RBFOX2: variants seen among roughly 807,000 people sequenced by gnomAD.
The protein encoded by RBFOX2 is RNA binding fox-1 homolog 2.
Under a neutral mutation model 49.1 loss-of-function variants are expected in RBFOX2, and 10 were observed. The observed-to-expected ratio is 0.20, with a 90% CI of 0.13 to 0.35. The LOEUF (loss-of-function observed/expected upper bound fraction) is 0.35. RBFOX2 is among the 10% of genes least tolerant of loss of function. RBFOX2 has a pLI of 1.00. For missense variants in RBFOX2, 323 were observed against 486.9 expected, an observed-to-expected ratio of 0.66 and a Z score of 3.17; for synonymous variants, 183 against 187.4, an observed-to-expected ratio of 0.98 and a Z score of 0.19.
At position 35,765,194 on chromosome 22, in the gene RBFOX2, T is replaced by C. The variant is rs140924407; in HGVS notation, c.607+229A>G. Reference sequence around the variant, plus strand: ...GCAACTAGATAGCATGTTTGCACTGTGTAAAAGATGAACATTACTTAGAAC... The same window carrying C: ...GCAACTAGATAGCATGTTTGCACTGCGTAAAAGATGAACATTACTTAGAAC... On this transcript the variant is annotated intron_variant, in intron 6 of 11. Transcript: ENST00000405409. Among the ~76,000 whole-genome samples, 362 of 150,544 alleles carry C rather than the reference T, an allele frequency of 2.4e-3. 6 individuals are homozygous for C. The highest frequency in any genetic ancestry group is 0.012 in the Admixed American group (186 of 14,996).
chr22:35,966,387 T>C (rs1042923800), upstream of RBFOX2, among the ~76,000 whole-genome samples: 5 of 152,184 alleles, frequency 3.3e-5, no homozygotes, highest in Admixed American at 1.3e-4. Flanking sequence ...TACACTTACG[T>C]TGAGCTTTGG....
At chr22:35,984,234 C>T (rs531106540) in intron 1 of RBFOX2, among the ~76,000 whole-genome samples, 2 of 152,220 alleles carry the variant, frequency 1.3e-5, no homozygotes, top group African/African-American at 4.8e-5. Context: ...CCCCAGAGTT[C>T]CTGATTTAAT....
At chr22:35,900,674 G>C (rs1198770127) in intron 1 of RBFOX2, among the ~76,000 whole-genome samples, 1 of 151,654 alleles carries the variant, frequency 6.6e-6, no homozygotes, top group Non-Finnish European at 1.5e-5. Flanking sequence ...GATTCCCACA[G>C]GGCAATCTCT....
chr22:35,893,453 A>T (rs999875879), intron 1 of RBFOX2, among the ~76,000 whole-genome samples: 1 of 152,088 alleles, frequency 6.6e-6, no homozygotes, highest in Non-Finnish European at 1.5e-5. Flanking sequence ...TCCTTTCATA[A>T]CTCCTCTTCC....
At chr22:35,826,502 A>C (rs962252696) in intron 1 of RBFOX2, among the ~76,000 whole-genome samples, 7 of 152,184 alleles carry the variant, frequency 4.6e-5, no homozygotes, top group African/African-American at 1.7e-4. Context: ...AGTCACATCA[A>C]TACAAATATG....
At chr22:35,897,919 C>A in intron 1 of RBFOX2, 1 of 730,680 alleles carries the variant, frequency 1.4e-6, no homozygotes, top group South Asian at 1.4e-5. Flanking sequence ...AATGAATTTT[C>A]CAACTTCAGC....
exon 12 of RBFOX2, chr22:35,741,542 G>A (rs1027208478): frequency 6.6e-6 from 1 of 152,572 alleles, no homozygotes; most frequent in East Asian, 1.9e-4. Context: ...CCAGATGCTT[G>A]CAAGAGCCCC....
At position 35,899,122 on chromosome 22, in the gene RBFOX2, AATAACATAAC is replaced by A. The variant is rs59505989; in HGVS notation, c.-34+39715_-34+39724del. Among the ~76,000 whole-genome samples, 788 of 139,318 alleles carry A rather than the reference AATAACATAAC, an allele frequency of 5.7e-3. 1 individual carries two copies. The highest frequency in any genetic ancestry group is 7.2e-3 in the African/African-American group (264 of 36,644). 91.4% of individuals were successfully genotyped at this position (139,318 alleles called of 152,430 possible). Reference sequence around the variant, plus strand: ...AACAAGAGCAAAATTCTGTCTCAAAAATAACATAACATAACATAACATAACATAACATAAC... The same window carrying A: ...AACAAGAGCAAAATTCTGTCTCAAAAATAACATAACATAACATAACATAAC... On this transcript the variant is annotated intron_variant, in intron 1 of 13. Transcript: ENST00000359369.
At chr22:35,819,072 C>G (rs1235902478) in intron 1 of RBFOX2, among the ~76,000 whole-genome samples, 2 of 152,086 alleles carry the variant, frequency 1.3e-5, no homozygotes, top group Admixed American at 1.3e-4. Context: ...AGTAAAGTCC[C>G]TAAGTCAACC....
chr22:35,911,849 G>C (rs1348208412), intron 1 of RBFOX2, among the ~76,000 whole-genome samples: 1 of 152,050 alleles, frequency 6.6e-6, no homozygotes, highest in African/African-American at 2.4e-5. Context: ...CCATACTCTG[G>C]ATAAAATTTT....
chr22:35,786,044 T>C (rs1215910211), intron 2 of RBFOX2, among the ~76,000 whole-genome samples: 1 of 152,212 alleles, frequency 6.6e-6, no homozygotes, highest in African/African-American at 2.4e-5. Flanking sequence ...TGACAATGTA[T>C]CACTCTGAGG....
chr22:35,944,137 GA>G (rs2054008360), intron 1 of RBFOX2, among the ~76,000 whole-genome samples: 2 of 152,194 alleles, frequency 1.3e-5, no homozygotes, highest in Admixed American at 6.5e-5. Context: ...TGCCCTTGAG[GA>G]GCTGAGAGTC....
chr22:35,816,931 C>T (rs1462839203), intron 1 of RBFOX2, among the ~76,000 whole-genome samples: 3 of 152,072 alleles, frequency 2.0e-5, no homozygotes, highest in Admixed American at 6.6e-5. Flanking sequence ...TATTTTATTG[C>T]GTATAACACC....
chr22:35,937,525 C>A (rs1372499729), intron 1 of RBFOX2, among the ~76,000 whole-genome samples: 1 of 152,120 alleles, frequency 6.6e-6, no homozygotes, highest in East Asian at 1.9e-4. Flanking sequence ...GAAAGGCCTG[C>A]AAATAGGTGA....
intron 1 of RBFOX2, among the ~76,000 whole-genome samples, chr22:36,017,398 G>A (rs921646603): frequency 2.0e-5 from 3 of 152,018 alleles, no homozygotes; most frequent in Admixed American, 6.6e-5. Flanking sequence ...TTGGTGGTGG[G>A]TGCCTGTAAA....
intron 1 of RBFOX2, among the ~76,000 whole-genome samples, chr22:35,820,657 C>T (rs1163190009): frequency 1.3e-5 from 2 of 152,166 alleles, no homozygotes; most frequent in African/African-American, 4.8e-5. Flanking sequence ...TCTAATTCAT[C>T]TTTGTATCCC....
chr22:35,786,669 T>C lies in RBFOX2; in HGVS notation c.253-4923A>G, dbSNP rs1602759762. Among the ~76,000 whole-genome samples, 4 of 152,290 alleles carry C rather than the reference T, an allele frequency of 2.6e-5. No individual in the cohort carries two copies. The South Asian group carries it at 8.3e-4, about 32-fold the overall frequency. On this transcript the variant is annotated intron_variant, in intron 2 of 11. Coordinates refer to ENST00000405409, the Ensembl canonical transcript of RBFOX2. ...GGCCTGGAGTGCATGTTCTTAGCCA[T>C]TATATTGTACTTTACATATATTATT...
intron 1 of RBFOX2, among the ~76,000 whole-genome samples, chr22:35,991,588 G>C (rs1278378804): frequency 6.6e-6 from 1 of 152,126 alleles, no homozygotes; most frequent in Non-Finnish European, 1.5e-5. Flanking sequence ...AGGAGAACAG[G>C]GTAATCCAAA....
chr22:35,998,706 G>C (rs1306837564), intron 1 of RBFOX2: 3 of 152,228 alleles, frequency 2.0e-5, no homozygotes, highest in African/African-American at 7.2e-5. Context: ...TAAAATGAGT[G>C]CAAGAGTGAG....
Sources: gnomAD v4.1 joint callset for allele counts (sites outside exome capture counted in the v4.1 genomes callset) on GRCh38, gnomAD v4.1.1 for gene constraint, MANE v1.5 for transcripts, NCBI Gene and HGNC (gene_info 2026-07-23, HGNC 2026-07-21) for gene names.